TBC1D5: variants seen among roughly 807,000 people sequenced by gnomAD.
The protein encoded by TBC1D5 is TBC1 domain family, member 5.
Under a neutral mutation model 100.3 loss-of-function variants are expected in TBC1D5, and 75 were observed. That is an observed-to-expected ratio of 0.75 (90% confidence interval 0.62 to 0.91). The LOEUF (loss-of-function observed/expected upper bound fraction) is 0.91. TBC1D5 is among the 40% of genes least tolerant of loss of function. The pLI is 0.00. For synonymous variants in TBC1D5, 323 were observed against 325.6 expected (o/e 0.99, Z 0.09); for missense variants, 910 against 942.4 (o/e 0.97, Z 0.45).
intron 13 of TBC1D5, among the ~76,000 whole-genome samples, chr3:17,315,855 C>T (rs527489376): frequency 3.3e-5 from 5 of 151,716 alleles, no homozygotes; most frequent in African/African-American, 4.8e-5. Context: ...GGGGGACGGG[C>T]GGGGGGAGGC....
At chr3:17,394,890 T>C (rs548174101) in intron 8 of TBC1D5, among the ~76,000 whole-genome samples, 34 of 151,892 alleles carry the variant, frequency 2.2e-4, no homozygotes, top group Non-Finnish European at 4.3e-4. Context: ...AAGAAAAGAA[T>C]GACATATAGC....
At chr3:17,649,996 A>G (rs1250786653) in intron 1 of TBC1D5, among the ~76,000 whole-genome samples, 1 of 152,176 alleles carries the variant, frequency 6.6e-6, no homozygotes, top group African/African-American at 2.4e-5. Context: ...CTTTGCAGGG[A>G]CATGGATGAA....
At chr3:17,181,695 C>T (rs1448862854) in intron 19 of TBC1D5, among the ~76,000 whole-genome samples, 1 of 152,170 alleles carries the variant, frequency 6.6e-6, no homozygotes, top group Non-Finnish European at 1.5e-5. Flanking sequence ...GCACTGAAGC[C>T]ATCCACAGAT....
At chr3:17,304,433 T>G (rs897018439) in intron 14 of TBC1D5, among the ~76,000 whole-genome samples, 2 of 152,162 alleles carry the variant, frequency 1.3e-5, no homozygotes, top group Admixed American at 6.5e-5. Flanking sequence ...TTAGACAGGG[T>G]CTTGCTCTGT....
At chr3:17,663,151 A>G (rs1051992514) in intron 1 of TBC1D5, 3 of 152,244 alleles carry the variant, frequency 2.0e-5, no homozygotes, top group Non-Finnish European at 4.4e-5. Context: ...TATAAGCCCC[A>G]AAACTGATAA....
At chr3:17,693,614 C>T (rs1560482582) in intron 1 of TBC1D5, among the ~76,000 whole-genome samples, 1 of 152,234 alleles carries the variant, frequency 6.6e-6, no homozygotes, top group African/African-American at 2.4e-5. Flanking sequence ...TGCAGCTCAG[C>T]ACACCCTGCA....
At chr3:17,370,998 T>A (rs181784842) in intron 13 of TBC1D5, among the ~76,000 whole-genome samples, 1 of 152,064 alleles carries the variant, frequency 6.6e-6, no homozygotes, top group African/African-American at 2.4e-5. Context: ...TAGCAGTGCA[T>A]AGATAATTCA....
chr3:17,529,540 T>C lies in TBC1D5; in HGVS notation c.-35-20935A>G, dbSNP rs1346948956. ...TATGATGGAAGCAGGGGTGTTTACATATATACATATATGTGTATTTTAAAG... is the reference window on the plus strand; with the variant it reads ...TATGATGGAAGCAGGGGTGTTTACACATATACATATATGTGTATTTTAAAG... On this transcript the variant is annotated intron_variant, in intron 2 of 21. Transcript: ENST00000253692. Among the ~76,000 whole-genome samples the C allele has an allele frequency of 2.0e-5, 3 of 152,166 alleles. No homozygotes were observed. In the East Asian group the frequency reaches 5.8e-4, roughly 29 times the overall value.
chr3:17,391,657 G>A (rs889658456), intron 8 of TBC1D5, among the ~76,000 whole-genome samples: 2 of 152,000 alleles, frequency 1.3e-5, no homozygotes, highest in African/African-American at 2.4e-5. Flanking sequence ...GAGAAATTAA[G>A]GCTGTGGGAA....
intron 2 of TBC1D5, among the ~76,000 whole-genome samples, chr3:17,612,888 C>CTT (rs1236647091): frequency 7.1e-4 from 93 of 131,852 alleles, no homozygotes; most frequent in African/African-American, 2.3e-3. Context: ...GCCCCCTTTT[C>CTT]TTTTTTTTTT....
At chr3:17,525,781 T>TTTTTTTTTTTTTTTTTTTTTGAGAC (rs1480570774) in intron 2 of TBC1D5, among the ~76,000 whole-genome samples, 1 of 151,340 alleles carries the variant, frequency 6.6e-6, no homozygotes, top group African/African-American at 2.5e-5. Flanking sequence ...TCTGTTTTCT[T>TTTTTTTTTTTTTTTTTTTTTGAGAC]GAATAACAAG....
intron 2 of TBC1D5, among the ~76,000 whole-genome samples, chr3:17,528,732 A>G (rs2096175408): frequency 6.6e-6 from 1 of 152,182 alleles, no homozygotes; most frequent in Admixed American, 6.5e-5. Context: ...AAGCCAGAAA[A>G]AGAATTAAGC....
At chr3:17,552,000 C>T (rs2096478083) in intron 2 of TBC1D5, among the ~76,000 whole-genome samples, 1 of 152,046 alleles carries the variant, frequency 6.6e-6, no homozygotes, top group Non-Finnish European at 1.5e-5. Context: ...ATACCATCTT[C>T]AACATCTGCA....
intron 8 of TBC1D5, among the ~76,000 whole-genome samples, chr3:17,391,720 T>G (rs1393150382): frequency 6.6e-6 from 1 of 151,854 alleles, no homozygotes; most frequent in Non-Finnish European, 1.5e-5. Context: ...AGGGCTTAAA[T>G]GAAAGTGAAG....
Position 17,661,604 on chromosome 3 carries a change from G to A in TBC1D5, c.-100-37691C>T, listed in dbSNP as rs183383769. On this transcript the variant is annotated intron_variant, in intron 1 of 21. Coordinates refer to ENST00000253692, the Ensembl canonical transcript of TBC1D5. ...CAACCTCCGCTTCCCAGGTTCAAGCGATTCCCCTGCCTCAGCCTCCTGAGT... is the reference window on the plus strand; with the variant it reads ...CAACCTCCGCTTCCCAGGTTCAAGCAATTCCCCTGCCTCAGCCTCCTGAGT... Among the ~76,000 whole-genome samples, 35 of 151,116 alleles carry A rather than the reference G, an allele frequency of 2.3e-4. 1 individual carries two copies. In the East Asian group the frequency reaches 4.5e-3, roughly 20 times the overall value.
chr3:17,284,041 C>A (rs2080887654), intron 15 of TBC1D5, among the ~76,000 whole-genome samples: 1 of 150,914 alleles, frequency 6.6e-6, no homozygotes, highest in African/African-American at 2.4e-5. Context: ...ACCAACCTAC[C>A]TAAATTAGGT....
intron 16 of TBC1D5, among the ~76,000 whole-genome samples, chr3:17,248,967 C>T (rs2076970458): frequency 6.6e-6 from 1 of 152,186 alleles, no homozygotes; most frequent in South Asian, 2.1e-4. Flanking sequence ...ACAGAGACAA[C>T]TTCTTCCCTT....
At chr3:17,161,256 C>A (rs775611589) in exon 22 of TBC1D5, 2 of 1,607,890 alleles carry the variant, frequency 1.2e-6, no homozygotes. Context: ...TCTGAAGAGG[C>A]CTGTGAAGTA....
At chr3:17,432,940 A>G (rs934344348) in intron 3 of TBC1D5, among the ~76,000 whole-genome samples, 8 of 152,226 alleles carry the variant, frequency 5.3e-5, no homozygotes, top group African/African-American at 1.9e-4. Flanking sequence ...AAGCTGTAAT[A>G]AACAGTCAAA....
Sources: allele counts gnomAD v4.1 joint callset (sites outside exome capture counted in the v4.1 genomes callset), GRCh38; gene constraint gnomAD v4.1.1; transcripts MANE v1.5; gene names NCBI Gene and HGNC (gene_info 2026-07-23, HGNC 2026-07-21).